CLEC4F: variants seen among roughly 807,000 people sequenced by gnomAD.
CLEC4F encodes the protein C-type (calcium dependent, carbohydrate-recognition domain) lectin, superfamily member 13.
CLEC4F carries 45 observed loss-of-function variants against 53.4 expected under a neutral mutation model. That is an observed-to-expected ratio of 0.84 (90% CI 0.66 to 1.08). The LOEUF (loss-of-function observed/expected upper bound fraction) is 1.08. Ranked by LOEUF, CLEC4F falls within the 50% of genes least tolerant of loss-of-function variation. CLEC4F has a pLI of 0.00. For synonymous variants in CLEC4F, 245 were observed against 257.5 expected, an observed-to-expected ratio of 0.95 and a Z score of 0.46; for missense variants, 753 against 698.2, an observed-to-expected ratio of 1.08 and a Z score of -0.88.
chr2:70,825,041 C>T (rs1280153010), upstream of CLEC4F, among the ~76,000 whole-genome samples: 1 of 152,186 alleles, frequency 6.6e-6, no homozygotes. Flanking sequence ...TCAAGGTCAA[C>T]GCCAACAGTA....
chr2:70,819,404 G>C lies in CLEC4F; in HGVS notation c.219C>G (p.Ala73=). ...CAGTAATGTTGTCTCCCAGAATTAC[G>C]GCTTGCACAGGCTTCGGAACAGGTC... The part of the protein sequence containing the change: ...QTRPVPKPVQ[A]VILGDNITGH... Residue 73 remains alanine, a synonymous_variant, in exon 3 of 7, where the codon GCC becomes GCG. Transcript: ENST00000272367. 1 of 1,614,018 alleles carries C rather than the reference G, an allele frequency of 6.2e-7. No homozygotes were observed. Among genetic ancestry groups the C allele is most frequent in the Non-Finnish European group, 8.5e-7 (1 of 1,180,004 alleles).
chr2:70,817,150 C>T (rs1553396634), intron 3 of CLEC4F, 38 bp from the exon 4 acceptor site: 1 of 1,581,174 alleles, frequency 6.3e-7, no homozygotes, highest in Admixed American at 1.7e-5. Flanking sequence ...CAAAGAGGCC[C>T]ATTATGTAGG....
rs781958138 is a variant in CLEC4F, at chr2:70,816,728, CCTCTGCT to C, written c.646_652del (p.Ser216AlafsTer2). The C allele has an allele frequency of 6.2e-7, 1 of 1,614,158 alleles. No homozygotes were observed. The highest frequency in any genetic ancestry group is 8.5e-7 in the Non-Finnish European group (1 of 1,180,014). On this transcript the variant is annotated frameshift_variant, in exon 4 of 7. Coordinates refer to ENST00000272367, the MANE Select transcript of CLEC4F (RefSeq NM_173535.3). LOFTEE classifies it high-confidence loss of function. ...AATTTCAGAGTTTGCATTTTCTAAG[CCTCTGCT>C]TAGCACGTGGAGCTCAATGCTGGTG...
intron 5 of CLEC4F, chr2:70,810,970 T>A: frequency 1.8e-6 from 1 of 567,116 alleles, no homozygotes; most frequent in South Asian, 1.4e-5. Context: ...AAAATAAACA[T>A]GTGAAAATAT....
chr2:70,809,764 G>C lies in CLEC4F; in HGVS notation c.1633C>G (p.Pro545Ala), dbSNP rs143296096. 320 of 1,614,104 alleles carry C rather than the reference G, an allele frequency of 2.0e-4. No homozygotes were observed. The African/African-American group carries it at 3.8e-3, about 19-fold the overall frequency. ...GCTTTGTTCTGGGCGGCGTTGAATG[G>C]TGTCCCATCTGTCCAGCGCCAGGAG... is the stretch of plus-strand genomic sequence containing the variant. ...EGSWRWTDGT[P>A]FNAAQNKAPG... is the part of the protein sequence containing the mutation. Residue 545 changes from proline to alanine, a missense_variant, in exon 6 of 7, where the codon CCA (proline) becomes GCA (alanine). Physicochemically the swap from Pro to Ala is conservative, Grantham distance 27. Transcript: ENST00000272367.
rs190140878 is a variant in CLEC4F, at chr2:70,810,189, T to C, written c.1540-332A>G. Among the ~76,000 whole-genome samples, 218 of 152,128 alleles carry C rather than the reference T, an allele frequency of 1.4e-3. 1 individual carries two copies. The highest frequency in any genetic ancestry group is 2.5e-3 in the Non-Finnish European group (173 of 67,984). On this transcript the variant is annotated intron_variant, in intron 5 of 6. Coordinates refer to ENST00000272367, the MANE Select transcript of CLEC4F (RefSeq NM_173535.3). ...TTGCTTGATGAGGATTGTGATCTAATGATTGTTTAGCAGCAATTTTACCAA... is the reference window on the plus strand; with the variant it reads ...TTGCTTGATGAGGATTGTGATCTAACGATTGTTTAGCAGCAATTTTACCAA...
intron 1 of CLEC4F, 25 bp from the exon 2 acceptor site, chr2:70,819,916 A>C: frequency 6.7e-7 from 1 of 1,494,926 alleles, no homozygotes; most frequent in South Asian, 1.3e-5. Flanking sequence ...GCAGTGTCCA[A>C]GGTGAGAGGG....
upstream of CLEC4F, among the ~76,000 whole-genome samples, chr2:70,825,231 G>A (rs1677317411): frequency 6.6e-6 from 1 of 152,182 alleles, no homozygotes; most frequent in Non-Finnish European, 1.5e-5. Flanking sequence ...AACTGTCAAA[G>A]TCTTCAAAAA....
In CLEC4F at chr2:70,809,117, A is replaced by G; in HGVS notation, c.*154T>C. On this transcript the variant is annotated 3_prime_UTR_variant, in exon 7 of 7. Coordinates refer to ENST00000272367, the MANE Select transcript of CLEC4F (RefSeq NM_173535.3). ...GGGCTTTATACTGTTAGATGAAGGC[A>G]GCATCCCTTCCTGGTGCTGTGGCTC... 5.2e-6 allele frequency: 8 copies of G among 1,550,938 alleles called. No homozygotes were observed. Among genetic ancestry groups the G allele is most frequent in the Non-Finnish European group, 7.0e-6 (8 of 1,147,048 alleles).
chr2:70,823,306 A>T (rs1360511980), upstream of CLEC4F, among the ~76,000 whole-genome samples: 9 of 152,218 alleles, frequency 5.9e-5, no homozygotes, highest in Admixed American at 3.3e-4. Context: ...CTGAGATCCC[A>T]GTGGTGTCTG....
intron 4 of CLEC4F, 65 bp from the exon 5 acceptor site, chr2:70,812,663 T>C (rs1007073185): frequency 3.2e-6 from 5 of 1,555,646 alleles, no homozygotes; most frequent in Non-Finnish European, 1.8e-6. Flanking sequence ...GAAGGAACTT[T>C]TCTGACCTCT....
upstream of CLEC4F, among the ~76,000 whole-genome samples, chr2:70,825,136 T>C (rs2104692521): frequency 6.6e-6 from 1 of 152,298 alleles, no homozygotes; most frequent in East Asian, 1.9e-4. Context: ...TGAAACTCAG[T>C]ACCCCAATGT....
Position 70,816,059 on chromosome 2 carries a change from T to C in CLEC4F, c.1322A>G (p.Glu441Gly). 6.2e-7 allele frequency: 1 copy of C among 1,614,216 alleles called. No individual in the cohort carries two copies. Among genetic ancestry groups the C allele is most frequent in the Non-Finnish European group, 8.5e-7 (1 of 1,180,030 alleles). Residue 441 changes from glutamate (E) to glycine (G), a missense_variant, in exon 4 of 7, where the codon GAG becomes GGG. Glu to Gly is a moderately conservative substitution (Grantham distance 98). Coordinates refer to ENST00000272367, the MANE Select transcript of CLEC4F (RefSeq NM_173535.3). ...ATGGAGGGTCTTCAGGCGACTCTGC[T>C]CCTGCTGGATTTCCATGGTTAGAGC... Reference protein sequence around the residue: ...TKALTMEIQQEQSRLKTLHVV... With the variant: ...TKALTMEIQQGQSRLKTLHVV...
intron 3 of CLEC4F, 86 bp downstream of exon 3, chr2:70,819,269 G>A (rs1329766768): frequency 9.8e-7 from 1 of 1,017,536 alleles, no homozygotes; most frequent in African/African-American, 1.6e-5. Context: ...GTGGTCAGAG[G>A]GTACCAGGAG....
Sources: allele counts gnomAD v4.1 joint callset (sites outside exome capture counted in the v4.1 genomes callset), GRCh38; gene constraint gnomAD v4.1.1; transcripts MANE v1.5; gene names NCBI Gene and HGNC (gene_info 2026-07-23, HGNC 2026-07-21).